Variants in SLC5A12 observed in about 807,000 individuals in gnomAD.
SLC5A12 encodes solute carrier family 5 member 12.
SLC5A12 carries 46 observed loss-of-function variants against 72.7 expected under a neutral mutation model. The ratio of observed to expected loss-of-function variants is 0.63; its 90% CI spans 0.50 to 0.81. SLC5A12 has a LOEUF of 0.81. SLC5A12 is among the 30% of genes least tolerant of loss of function. The pLI, the probability that SLC5A12 is intolerant of heterozygous loss-of-function variation, is 0.00. For synonymous variants in SLC5A12, 275 were observed against 264.4 expected (o/e 1.04, Z -0.39); for missense variants, 683 against 740.7 (o/e 0.92, Z 0.90).
At chr11:26,681,794 G>A (rs573466839) in intron 11 of SLC5A12, among the ~76,000 whole-genome samples, 8 of 152,182 alleles carry the variant, frequency 5.3e-5, no homozygotes, top group Admixed American at 4.6e-4. Context: ...AGAGGAGGCA[G>A]AACAATCTAG....
intron 1 of SLC5A12, among the ~76,000 whole-genome samples, chr11:26,713,844 A>G (rs1366514686): frequency 6.6e-6 from 1 of 152,158 alleles, no homozygotes; most frequent in African/African-American, 2.4e-5. Flanking sequence ...AGGCTCCTAC[A>G]CGAGGCTTTA....
At chr11:26,693,903 C>T (rs908635958) in intron 8 of SLC5A12, among the ~76,000 whole-genome samples, 3 of 152,098 alleles carry the variant, frequency 2.0e-5, no homozygotes, top group Non-Finnish European at 4.4e-5. Context: ...TGCCAGACTC[C>T]TCTTCTATCT....
rs148297604 is a variant in SLC5A12, at chr11:26,709,061, A to G, written c.525+251T>C. ...ATTCTCTAATCAAGAAGACTTTTTC[A>G]TTAGATTTTTTTCTTATTAGGCATG... On this transcript the variant is annotated intron_variant, in intron 4 of 14. Coordinates refer to ENST00000396005, the MANE Select transcript of SLC5A12 (RefSeq NM_178498.4). The G allele has an allele frequency of 2.2e-3, 745 of 340,176 alleles. 4 individuals carry two copies. Among genetic ancestry groups the G allele is most frequent in the Middle Eastern group, 0.019 (24 of 1,236 alleles). 21.1% of individuals were successfully genotyped at this position (340,176 alleles called of 1,614,324 possible). A position where few individuals can be genotyped will look rare whatever the true frequency, so the allele number is the denominator to read the frequency against.
At chr11:26,709,909 T>C (rs1242579102) in intron 3 of SLC5A12, among the ~76,000 whole-genome samples, 1 of 152,064 alleles carries the variant, frequency 6.6e-6, no homozygotes, top group Non-Finnish European at 1.5e-5. Context: ...ACAATCCTTT[T>C]ATTGAATGTA....
chr11:26,670,678 C>T lies in SLC5A12; in HGVS notation c.*424G>A, dbSNP rs1478932580. ...GATGTCATTCCTCTATTTTATCCCT[C>T]GTGGCAGGAAAGTGTTAAATATGCA... On this transcript the variant is annotated 3_prime_UTR_variant, in exon 15 of 15. Coordinates refer to ENST00000396005, the MANE Select transcript of SLC5A12 (RefSeq NM_178498.4). 6.5e-6 allele frequency: 1 copy of T among 152,824 alleles called. No individual in the cohort carries two copies. The highest frequency in any genetic ancestry group is 1.5e-5 in the Non-Finnish European group (1 of 68,714). 9.5% of individuals were successfully genotyped at this position (152,824 alleles called of 1,614,324 possible). A position where few individuals can be genotyped will look rare whatever the true frequency, so the allele number is the denominator to read the frequency against.
intron 1 of SLC5A12, among the ~76,000 whole-genome samples, chr11:26,717,006 T>C (rs117014876): frequency 6.6e-6 from 1 of 152,150 alleles, no homozygotes; most frequent in Non-Finnish European, 1.5e-5. Flanking sequence ...TAACGTTGGT[T>C]CAGACCCTAA....
At chr11:26,675,160 T>C (rs1210680272) in intron 13 of SLC5A12, among the ~76,000 whole-genome samples, 1 of 152,174 alleles carries the variant, frequency 6.6e-6, no homozygotes, top group East Asian at 1.9e-4. Flanking sequence ...TGTCTCTGAA[T>C]GAACCACAAA....
intron 9 of SLC5A12, among the ~76,000 whole-genome samples, chr11:26,687,464 T>C (rs2133159540): frequency 6.6e-6 from 1 of 152,270 alleles, no homozygotes; most frequent in Non-Finnish European, 1.5e-5. Context: ...AATTCAATCT[T>C]ATTGAATACC....
At chr11:26,680,816 A>G (rs1367934091) in intron 12 of SLC5A12, among the ~76,000 whole-genome samples, 2 of 151,960 alleles carry the variant, frequency 1.3e-5, no homozygotes, top group African/African-American at 2.4e-5. Flanking sequence ...TCTCTTTTGT[A>G]CTCATATCTC....
At chr11:26,676,789 A>C (rs1036348812) in intron 13 of SLC5A12, among the ~76,000 whole-genome samples, 2 of 152,168 alleles carry the variant, frequency 1.3e-5, no homozygotes, top group African/African-American at 4.8e-5. Context: ...AATGATATAA[A>C]CTTCCTGGAG....
At chr11:26,686,300 G>GTTA (rs1854531277) in intron 10 of SLC5A12, among the ~76,000 whole-genome samples, 177 bp downstream of exon 10, 1 of 151,960 alleles carries the variant, frequency 6.6e-6, no homozygotes, top group African/African-American at 2.4e-5. Flanking sequence ...GAAAAGATAA[G>GTTA]TTCTTTTTTT....
chr11:26,716,222 C>T (rs1855346957), intron 1 of SLC5A12: 1 of 152,052 alleles, frequency 6.6e-6, no homozygotes, highest in Non-Finnish European at 1.5e-5. Context: ...TTCCACTCAA[C>T]CCAGTAAAAT....
intron 13 of SLC5A12, among the ~76,000 whole-genome samples, chr11:26,676,359 C>CAAAACAA (rs1565183556): frequency 9.2e-6 from 1 of 108,920 alleles, no homozygotes. Context: ...TTCTAGAAAA[C>CAAAACAA]AAAAAAAAAA....
In SLC5A12 at chr11:26,703,781, C is replaced by T. The variant is rs191569428; in HGVS notation, c.680+12G>A. The T allele has an allele frequency of 1.2e-3, 1,882 of 1,613,456 alleles. 2 individuals are homozygous for T. Among genetic ancestry groups the T allele is most frequent in the Non-Finnish European group, 1.4e-3 (1,655 of 1,179,592 alleles). ...GTCTTTGTAAAGTATGAAAAAGTTGCATTGGACATACTCAAATATATGTAG... is the reference window on the plus strand; with the variant it reads ...GTCTTTGTAAAGTATGAAAAAGTTGTATTGGACATACTCAAATATATGTAG... On this transcript the variant is annotated intron_variant, in intron 5 of 14. Coordinates refer to ENST00000396005, the MANE Select transcript of SLC5A12 (RefSeq NM_178498.4).
chr11:26,708,795 G>T (rs930581336), intron 4 of SLC5A12, among the ~76,000 whole-genome samples: 1 of 152,158 alleles, frequency 6.6e-6, no homozygotes, highest in South Asian at 2.1e-4. Flanking sequence ...TAAAAACAGA[G>T]CATGTGTAAA....
chr11:26,703,614 A>G lies in SLC5A12; in HGVS notation c.738T>C (p.Thr246=). The part of the protein sequence containing the change: ...HTFWTITVGG[T]FTWLGIYGVN... ...CCCCATAGATTCCGAGCCAAGTAAA[A>G]GTTCCTCCCACTGTGATAGTCCAAA... is the stretch of plus-strand genomic sequence containing the variant. The change falls in exon 6 of 15, where the codon ACT becomes ACC. Residue 246 remains threonine (T), a synonymous_variant. Coordinates refer to ENST00000396005, the MANE Select transcript of SLC5A12 (RefSeq NM_178498.4). The G allele has an allele frequency of 1.2e-6, 2 of 1,614,066 alleles. No individual in the cohort carries two copies. Among genetic ancestry groups the G allele is most frequent in the Non-Finnish European group, 1.7e-6 (2 of 1,179,972 alleles).
At chr11:26,698,631 T>C in intron 6 of SLC5A12, 96 bp from the exon 7 acceptor site, 1 of 1,158,208 alleles carries the variant, frequency 8.6e-7, no homozygotes, top group Middle Eastern at 2.1e-4. Context: ...GTTTTGGGTC[T>C]TTTTGCTAGT....
intron 4 of SLC5A12, among the ~76,000 whole-genome samples, chr11:26,705,513 G>A (rs1855063124): frequency 6.6e-6 from 1 of 152,102 alleles, no homozygotes; most frequent in African/African-American, 2.4e-5. Flanking sequence ...AGAAGACATT[G>A]GGGTTGCCCC....
rs774517558 is a variant in SLC5A12, at chr11:26,712,590, A to G, written c.405+51T>C. 6 of 1,382,438 alleles carry G rather than the reference A, an allele frequency of 4.3e-6. No individual in the cohort carries two copies. The South Asian group carries it at 7.9e-5, about 18-fold the overall frequency. 85.6% of individuals were successfully genotyped at this position (1,382,438 alleles called of 1,614,324 possible). A position where few individuals can be genotyped will look rare whatever the true frequency, so the allele number is the denominator to read the frequency against. ...TATTGCCCCCAAAATAAACAAACCT[A>G]TATCTAGTAACCTCACAGTTTCCAC... On this transcript the variant is annotated intron_variant, in intron 2 of 14. Transcript: ENST00000396005.
Sources: gnomAD v4.1 joint callset for allele counts (sites outside exome capture counted in the v4.1 genomes callset) on GRCh38, gnomAD v4.1.1 for gene constraint, MANE v1.5 for transcripts, NCBI Gene and HGNC (gene_info 2026-07-23, HGNC 2026-07-21) for gene names.